Variants in BMP5 observed in about 807,000 individuals in gnomAD.
The protein encoded by BMP5 is bone morphogenetic protein 5.
Under a neutral mutation model 46.6 loss-of-function variants are expected in BMP5, and 23 were observed. The ratio of observed to expected loss-of-function variants is 0.49; its 90% CI spans 0.35 to 0.70. The LOEUF (loss-of-function observed/expected upper bound fraction) is 0.70. Ranked by LOEUF, BMP5 falls within the 30% of genes least tolerant of loss-of-function variation. The pLI is 0.00. For synonymous variants in BMP5, 204 were observed against 191.9 expected, an observed-to-expected ratio of 1.06 and a Z score of -0.52; for missense variants, 545 against 565.6, an observed-to-expected ratio of 0.96 and a Z score of 0.37.
intron 1 of BMP5, among the ~76,000 whole-genome samples, chr6:55,832,578 T>C (rs749003271): frequency 1.3e-5 from 2 of 152,210 alleles, no homozygotes; most frequent in Admixed American, 1.3e-4. Flanking sequence ...ATATGTGAAA[T>C]ATATTTGATA....
chr6:55,834,156 A>G (rs1043915411), intron 1 of BMP5, among the ~76,000 whole-genome samples: 6 of 152,154 alleles, frequency 3.9e-5, no homozygotes, highest in African/African-American at 1.4e-4. Context: ...TAGATGAAAT[A>G]TAGGTCATGG....
At chr6:55,864,829 T>C (rs1451515072) in intron 1 of BMP5, among the ~76,000 whole-genome samples, 1 of 152,046 alleles carries the variant, frequency 6.6e-6, no homozygotes, top group Non-Finnish European at 1.5e-5. Flanking sequence ...AACAAATACA[T>C]TTTCATCCTG....
intron 3 of BMP5, among the ~76,000 whole-genome samples, chr6:55,784,425 C>T (rs906412486): frequency 2.0e-5 from 3 of 151,564 alleles, no homozygotes; most frequent in Non-Finnish European, 4.4e-5. Context: ...TGAATATATT[C>T]TATAATCAAT....
chr6:55,785,521 C>T (rs533972184), intron 3 of BMP5, among the ~76,000 whole-genome samples: 1 of 151,888 alleles, frequency 6.6e-6, no homozygotes, highest in Admixed American at 6.6e-5. Context: ...AGTTAGAAAA[C>T]CCATGGGTCA....
intron 2 of BMP5, among the ~76,000 whole-genome samples, chr6:55,819,265 A>G (rs760589905): frequency 1.3e-4 from 20 of 152,166 alleles, no homozygotes; most frequent in Non-Finnish European, 2.2e-4. Context: ...CATGTCAGTG[A>G]AAAGTAAAGC....
intron 4 of BMP5, among the ~76,000 whole-genome samples, chr6:55,762,020 TG>T (rs1774795604): frequency 6.6e-6 from 1 of 152,162 alleles, no homozygotes. Flanking sequence ...TATTTTGGAA[TG>T]TAATCTGAAA....
chr6:55,865,266 T>C, intron 1 of BMP5: 3 of 332,672 alleles, frequency 9.0e-6, no homozygotes, highest in South Asian at 7.3e-5. Flanking sequence ...AGACTGTCCA[T>C]GTCTTTACAA....
chr6:55,839,344 G>T (rs1353197554), intron 1 of BMP5, among the ~76,000 whole-genome samples: 2 of 150,160 alleles, frequency 1.3e-5, no homozygotes, highest in African/African-American at 2.5e-5. Flanking sequence ...TTATTTCAAG[G>T]CAGGATCTCA....
intron 6 of BMP5, among the ~76,000 whole-genome samples, chr6:55,756,888 T>G (rs142729724): frequency 1.3e-5 from 2 of 152,082 alleles, no homozygotes; most frequent in Non-Finnish European, 2.9e-5. Flanking sequence ...AATGGATTGT[T>G]CTTGAATGGT....
intron 1 of BMP5, among the ~76,000 whole-genome samples, chr6:55,838,874 G>T (rs1305089685): frequency 6.6e-6 from 1 of 151,970 alleles, no homozygotes; most frequent in East Asian, 1.9e-4. Flanking sequence ...ATTCTGTTTT[G>T]CTCAAATTCA....
At chr6:55,837,860 G>A (rs1012079774) in intron 1 of BMP5, among the ~76,000 whole-genome samples, 3 of 152,064 alleles carry the variant, frequency 2.0e-5, no homozygotes, top group Non-Finnish European at 2.9e-5. Flanking sequence ...CTATGTCCGT[G>A]AGTTCAATTG....
At position 55,807,956 on chromosome 6, in the gene BMP5, T is replaced by C. The variant is rs114155819; in HGVS notation, c.683+11699A>G. On this transcript the variant is annotated intron_variant, in intron 2 of 6. Transcript: ENST00000370830. ...TGTTGGAGGGTCTCACCCAGTTGGA[T>C]GGCATGGGGAGCAGGACCAGTTTAA... is the stretch of plus-strand genomic sequence containing the variant. 2.3e-3 allele frequency among the ~76,000 whole-genome samples: 352 copies of C among 152,306 alleles called. 1 individual carries two copies. The highest frequency in any genetic ancestry group is 8.2e-3 in the African/African-American group (341 of 41,570).
Position 55,774,095 on chromosome 6 carries a change from ATTGCGGT to A in BMP5, c.974_980del (p.Asn325IlefsTer34). The A allele has an allele frequency of 6.2e-7, 1 of 1,612,886 alleles. No individual in the cohort carries two copies. The highest frequency in any genetic ancestry group is 8.5e-7 in the Non-Finnish European group (1 of 1,179,346). ...AGGAGTCCTGATGAGAGCTGGATTT[ATTGCGGT>A]TTTGATTTTTTCGTTTGTTGGCTGC... On this transcript the variant is annotated frameshift_variant, in exon 4 of 7. Coordinates refer to ENST00000370830, the MANE Select transcript of BMP5 (RefSeq NM_021073.4). LOFTEE classifies it high-confidence loss of function.
intron 1 of BMP5, among the ~76,000 whole-genome samples, chr6:55,850,317 T>C (rs1777199836): frequency 6.6e-6 from 1 of 151,870 alleles, no homozygotes; most frequent in South Asian, 2.1e-4. Flanking sequence ...TAGAAAAGTT[T>C]ATGTGTGTAT....
intron 1 of BMP5, among the ~76,000 whole-genome samples, chr6:55,870,283 T>C (rs1777752490): frequency 6.6e-6 from 1 of 151,968 alleles, no homozygotes; most frequent in Non-Finnish European, 1.5e-5. Flanking sequence ...TGCCAATCAC[T>C]TGATAATCAA....
chr6:55,798,244 C>G (rs935190391), intron 2 of BMP5, among the ~76,000 whole-genome samples: 1 of 152,148 alleles, frequency 6.6e-6, no homozygotes. Flanking sequence ...CAAAAAAGGT[C>G]ACATTCTGAG....
chr6:55,759,202 C>T (rs1421012782), intron 5 of BMP5, 87 bp from the exon 6 acceptor site: 2 of 667,504 alleles, frequency 3.0e-6, no homozygotes, highest in African/African-American at 3.3e-5. Context: ...AAAAATATCA[C>T]CAAAGTAAAA....
chr6:55,785,967 T>C (rs182734092), intron 3 of BMP5, among the ~76,000 whole-genome samples: 1 of 151,764 alleles, frequency 6.6e-6, no homozygotes, highest in South Asian at 2.1e-4. Context: ...AAAAGAACTC[T>C]CTAGAAATCT....
intron 2 of BMP5, among the ~76,000 whole-genome samples, chr6:55,816,577 A>C (rs1432968325): frequency 6.6e-6 from 1 of 152,152 alleles, no homozygotes; most frequent in Non-Finnish European, 1.5e-5. Context: ...AACGTAACTT[A>C]TCTGCAGACA....
Sources: allele counts gnomAD v4.1 joint callset (sites outside exome capture counted in the v4.1 genomes callset), GRCh38; gene constraint gnomAD v4.1.1; transcripts MANE v1.5; gene names NCBI Gene and HGNC (gene_info 2026-07-23, HGNC 2026-07-21).